The following APPBP2 variants were observed in gnomAD, a reference collection of about 807,000 sequenced individuals.
APPBP2 encodes amyloid protein-binding protein 2.
Under a neutral mutation model 76.0 loss-of-function variants are expected in APPBP2, and 15 were observed. The ratio of observed to expected loss-of-function variants is 0.20; its 90% CI spans 0.13 to 0.30. APPBP2 has a LOEUF of 0.30. APPBP2 is among the 10% of genes least tolerant of loss of function. The pLI is 1.00. For missense variants in APPBP2, 401 were observed against 687.2 expected (o/e 0.58, Z 4.66); for synonymous variants, 222 against 242.2 (o/e 0.92, Z 0.77).
At chr17:60,490,171 T>C (rs185152095) in intron 3 of APPBP2, among the ~76,000 whole-genome samples, 110 of 152,198 alleles carry the variant, frequency 7.2e-4, no homozygotes, top group Non-Finnish European at 1.4e-3. Context: ...CAGACACACA[T>C]ACAAACAAAT....
In APPBP2 at chr17:60,466,344, C is replaced by A; in HGVS notation, c.619G>T (p.Ala207Ser). 2 of 1,614,034 alleles carry A rather than the reference C, an allele frequency of 1.2e-6. No individual in the cohort carries two copies. Among genetic ancestry groups the A allele is most frequent in the Non-Finnish European group, 1.7e-6 (2 of 1,179,994 alleles). ...SKHGQQANKAALYGELCALLF... is the reference protein window; with the variant it reads ...SKHGQQANKASLYGELCALLF... ...AGTGCACACAGTTCTCCATAGAGTG[C>A]AGCTTTATTTGCTTGCTGGCCATGT... The change falls in exon 5 of 13, where the codon GCA becomes TCA. Residue 207 changes from alanine (A) to serine (S), a missense_variant. This residue lies in a region of APPBP2 where 64 missense variants were observed against 72.9 expected (regional missense o/e 0.88). Transcript: ENST00000083182.
At chr17:60,462,124 A>C (rs1567921151) in intron 6 of APPBP2, 63 bp from the exon 7 acceptor site, 26 of 1,250,356 alleles carry the variant, frequency 2.1e-5, no homozygotes, top group Non-Finnish European at 2.8e-5. Flanking sequence ...AAATACGTGT[A>C]GTTTATATAT....
chr17:60,480,690 T>C (rs562957505), intron 3 of APPBP2, among the ~76,000 whole-genome samples: 9 of 152,202 alleles, frequency 5.9e-5, no homozygotes, highest in Non-Finnish European at 1.2e-4. Flanking sequence ...ACATATTGTA[T>C]ATTGTGCTGG....
chr17:60,517,325 C>T (rs1044634616), intron 1 of APPBP2, among the ~76,000 whole-genome samples: 1 of 152,124 alleles, frequency 6.6e-6, no homozygotes, highest in Admixed American at 6.5e-5. Flanking sequence ...ACAATGAGTC[C>T]TTTGTCAGAT....
chr17:60,456,048 G>A (rs1032756879), intron 10 of APPBP2, among the ~76,000 whole-genome samples: 3 of 152,180 alleles, frequency 2.0e-5, no homozygotes, highest in Non-Finnish European at 4.4e-5. Context: ...AAAGTGCTGG[G>A]ATTACAGGCA....
At position 60,447,483 on chromosome 17, in the gene APPBP2, A is replaced by C; in HGVS notation, c.*98T>G. ...CTTCAATGGACTGGACCAGTGTTTC[A>C]ATGCAAATTCCAGCCCCCCAAAACA... On this transcript the variant is annotated 3_prime_UTR_variant, in exon 13 of 13. Coordinates refer to ENST00000083182, the MANE Select transcript of APPBP2 (RefSeq NM_006380.5). The C allele has an allele frequency of 7.1e-7, 1 of 1,415,262 alleles. No homozygotes were observed. The highest frequency in any genetic ancestry group is 9.5e-7 in the Non-Finnish European group (1 of 1,050,464). The allele number at this position is 1,415,262 out of a possible 1,614,324, so 87.7% of individuals were successfully genotyped here. A position where few individuals can be genotyped will look rare whatever the true frequency, so the allele number is the denominator to read the frequency against.
At chr17:60,513,427 G>C (rs776073137) in intron 1 of APPBP2, 1 of 657,870 alleles carries the variant, frequency 1.5e-6, no homozygotes, top group Non-Finnish European at 2.8e-6. Flanking sequence ...TTCAATTTTT[G>C]TGACAGATAA....
chr17:60,465,978 A>G (rs1440807368), intron 5 of APPBP2, among the ~76,000 whole-genome samples: 4 of 152,000 alleles, frequency 2.6e-5, no homozygotes, highest in African/African-American at 9.7e-5. Context: ...TGTGACCACC[A>G]CAGGCGTGTG....
chr17:60,501,306 G>T (rs993651881), intron 1 of APPBP2, among the ~76,000 whole-genome samples: 1 of 152,086 alleles, frequency 6.6e-6, no homozygotes, highest in Non-Finnish European at 1.5e-5. Context: ...GGGTGAGAGT[G>T]AGACCCTGTC....
At chr17:60,525,702 G>C in intron 1 of APPBP2, 92 bp downstream of exon 1, 1 of 1,575,602 alleles carries the variant, frequency 6.3e-7, no homozygotes, top group South Asian at 1.2e-5. Flanking sequence ...CGGAAGGGGT[G>C]AGGGGTTAAC....
chr17:60,456,649 G>A (rs539431041), intron 9 of APPBP2, among the ~76,000 whole-genome samples: 4 of 152,136 alleles, frequency 2.6e-5, no homozygotes, highest in South Asian at 2.1e-4. Flanking sequence ...CTACTTCCCT[G>A]ACCTCATCTC....
At chr17:60,515,213 T>C (rs537264584) in intron 1 of APPBP2, among the ~76,000 whole-genome samples, 4 of 151,346 alleles carry the variant, frequency 2.6e-5, no homozygotes, top group Non-Finnish European at 5.9e-5. Flanking sequence ...CCTCCTGGGT[T>C]CAAGCAGATC....
At position 60,509,700 on chromosome 17, in the gene APPBP2, G is replaced by A. The variant is rs1183193324; in HGVS notation, c.139-9213C>T. 5.3e-5 allele frequency among the ~76,000 whole-genome samples: 8 copies of A among 152,178 alleles called. No homozygotes were observed. The East Asian group carries it at 1.4e-3, about 26-fold the overall frequency. On this transcript the variant is annotated intron_variant, in intron 1 of 12. Coordinates refer to ENST00000083182, the MANE Select transcript of APPBP2 (RefSeq NM_006380.5). Reference sequence around the variant, plus strand: ...GCCTGTAATCGCAGCTACCCGGGGGGCTGAGGCAGAATTGCTTGAACCCAG... The same window carrying A: ...GCCTGTAATCGCAGCTACCCGGGGGACTGAGGCAGAATTGCTTGAACCCAG...
At chr17:60,500,596 T>G in intron 1 of APPBP2, 109 bp from the exon 2 acceptor site, 1 of 780,322 alleles carries the variant, frequency 1.3e-6, no homozygotes, top group Non-Finnish European at 2.1e-6. Context: ...ATGCTTATGT[T>G]AAGAGAAATG....
In APPBP2 at chr17:60,491,606, G is replaced by A. The variant is rs904606128; in HGVS notation, c.379+2860C>T. ...ATTACAGGCACCCGCCAACAGGCCC[G>A]GCTAGTTTTTGTATTTTTAGTAGAG... On this transcript the variant is annotated intron_variant, in intron 3 of 12. Transcript: ENST00000083182. 3.9e-5 allele frequency among the ~76,000 whole-genome samples: 6 copies of A among 151,930 alleles called. No homozygotes were observed. In the South Asian group the frequency reaches 1.0e-3, roughly 26 times the overall value.
chr17:60,484,634 TG>T (rs1398502331), intron 3 of APPBP2, among the ~76,000 whole-genome samples: 4 of 152,300 alleles, frequency 2.6e-5, no homozygotes, highest in African/African-American at 9.6e-5. Flanking sequence ...GCTGAGATGA[TG>T]GGGTTTCCTA....
chr17:60,495,523 G>A (rs962617408), intron 2 of APPBP2, among the ~76,000 whole-genome samples: 3 of 151,538 alleles, frequency 2.0e-5, no homozygotes, highest in Admixed American at 6.6e-5. Flanking sequence ...CCAGGCTGGA[G>A]AGAAGTGGCA....
Position 60,461,884 on chromosome 17 carries a change from A to G in APPBP2, c.862T>C (p.Ser288Pro). 6.2e-7 allele frequency: 1 copy of G among 1,613,488 alleles called. No homozygotes were observed. Among genetic ancestry groups the G allele is most frequent in the Non-Finnish European group, 8.5e-7 (1 of 1,179,684 alleles). ...AACCCATAATCTAGCAGTGTATCAG[A>G]ATATTTTGGGTGTTTGGATCCAAAA... ...DHFGSKHPKY[S>P]DTLLDYGFYL... The change falls in exon 8 of 13, where the codon TCT becomes CCT. Residue 288 changes from serine (S) to proline (P), a missense_variant. Around this residue, in one of 5 missense-constraint regions of APPBP2, gnomAD observed 130 missense variants for 322.7 expected, o/e 0.40. Coordinates refer to ENST00000083182, the MANE Select transcript of APPBP2 (RefSeq NM_006380.5).
chr17:60,514,676 A>G (rs2090948319), intron 1 of APPBP2, among the ~76,000 whole-genome samples: 1 of 150,650 alleles, frequency 6.6e-6, no homozygotes. Context: ...CTCTAACAGG[A>G]TTTTCCACAC....
Sources: allele counts gnomAD v4.1 joint callset (sites outside exome capture counted in the v4.1 genomes callset), GRCh38; gene constraint gnomAD v4.1.1; regional missense constraint gnomAD v4.1.1; transcripts MANE v1.5; gene names NCBI Gene and HGNC (gene_info 2026-07-23, HGNC 2026-07-21).